Variants in ELOVL4 observed in about 807,000 individuals in gnomAD.
ELOVL4 encodes the protein very long chain fatty acid elongase 4.
In ELOVL4, 18 loss-of-function variants were observed where a neutral mutation model predicts 42.1. That is an observed-to-expected ratio of 0.43 (90% confidence interval 0.30 to 0.63). The LOEUF (loss-of-function observed/expected upper bound fraction) is 0.63. Among genes scored for constraint, ELOVL4 ranks in the 30% least tolerant of loss-of-function variants. The probability of loss-of-function intolerance (pLI) is 0.15; values close to 1 mark genes in which losing one functional copy is unlikely to be tolerated. For synonymous variants in ELOVL4, 117 were observed against 127.0 expected, an observed-to-expected ratio of 0.92 and a Z score of 0.53; for missense variants, 299 against 376.2, an observed-to-expected ratio of 0.79 and a Z score of 1.70.
chr6:79,929,916 A>G (rs1471343824), intron 1 of ELOVL4, among the ~76,000 whole-genome samples: 1 of 152,216 alleles, frequency 6.6e-6, no homozygotes, highest in Non-Finnish European at 1.5e-5. Context: ...GTACCTAAAA[A>G]TATATTTGAT....
chr6:79,919,299 T>C (rs999215791), intron 5 of ELOVL4, 121 bp downstream of exon 5: 13 of 1,149,930 alleles, frequency 1.1e-5, no homozygotes, highest in Non-Finnish European at 1.5e-5. Flanking sequence ...GCGATATAGC[T>C]GGAGGATAAA....
chr6:79,919,319 A>G (rs1451764148), intron 5 of ELOVL4, 101 bp downstream of exon 5: 6 of 1,365,890 alleles, frequency 4.4e-6, no homozygotes, highest in African/African-American at 2.9e-5. Flanking sequence ...AGTTAATTTC[A>G]TAATAGAAAA....
Position 79,926,256 on chromosome 6 carries a change from G to C in ELOVL4, c.226C>G (p.Arg76Gly). 1 of 1,613,864 alleles carries C rather than the reference G, an allele frequency of 6.2e-7. No homozygotes were observed. The highest frequency in any genetic ancestry group is 8.5e-7 in the Non-Finnish European group (1 of 1,179,938). The change falls in exon 2 of 6, where the codon CGT becomes GGT. Residue 76 changes from arginine (R) to glycine (G), a missense_variant. Arg to Gly is a moderately radical substitution (Grantham distance 125). Transcript: ENST00000369816. ...AAATTATAGATAATGAGCACTAGAC[G>C]CATCTGAAAAGGTTCTCGGTCCTTC... ...WMKDREPFQMRLVLIIYNFGM... is the reference protein window; with the variant it reads ...WMKDREPFQMGLVLIIYNFGM...
chr6:79,920,684 T>A (rs1774237871), intron 4 of ELOVL4, among the ~76,000 whole-genome samples: 2 of 152,216 alleles, frequency 1.3e-5, no homozygotes, highest in Non-Finnish European at 2.9e-5. Flanking sequence ...ACTCTGAACA[T>A]CAGAAAGCAA....
At chr6:79,932,720 T>C (rs1339698610) in intron 1 of ELOVL4, among the ~76,000 whole-genome samples, 2 of 152,182 alleles carry the variant, frequency 1.3e-5, no homozygotes, top group Non-Finnish European at 2.9e-5. Context: ...CAAAGTGATT[T>C]TGGCCAGATC....
At position 79,926,197 on chromosome 6, in the gene ELOVL4, T is replaced by C; in HGVS notation, c.285A>G (p.Arg95=). 1 of 1,612,342 alleles carries C rather than the reference T, an allele frequency of 6.2e-7. No homozygotes were observed. The highest frequency in any genetic ancestry group is 8.5e-7 in the Non-Finnish European group (1 of 1,178,624). Residue 95 remains arginine, a synonymous_variant, in exon 2 of 6, where the codon AGA becomes AGG. Transcript: ENST00000369816. ...GMVLLNLFIF[R]ELFMGSYNAG... is the part of the protein sequence containing the mutation. ...TAAAGTGATCTTAAAAACATACCTC[T>C]CTGAAGATAAAGAGGTTAAGCAAAA... is the stretch of plus-strand genomic sequence containing the variant.
At chr6:79,928,157 C>T (rs1222672917) in intron 1 of ELOVL4, among the ~76,000 whole-genome samples, 1 of 151,792 alleles carries the variant, frequency 6.6e-6, no homozygotes, top group East Asian at 1.9e-4. Context: ...AGAGAAGAAA[C>T]ATTTAGACAA....
intron 3 of ELOVL4, among the ~76,000 whole-genome samples, chr6:79,922,083 T>C (rs1408988231): frequency 6.6e-6 from 1 of 152,232 alleles, no homozygotes; most frequent in Admixed American, 6.5e-5. Flanking sequence ...AATACAGAGC[T>C]GGAAGCACAT....
intron 1 of ELOVL4, among the ~76,000 whole-genome samples, chr6:79,927,780 CAT>C (rs35295710): frequency 0.071 from 10,831 of 152,116 alleles, 1,237 homozygotes; most frequent in African/African-American, 0.25. Flanking sequence ...GATTTTATTT[CAT>C]AGTTTTAAAA....
intron 1 of ELOVL4, among the ~76,000 whole-genome samples, chr6:79,930,189 G>A (rs1774420340): frequency 6.6e-6 from 1 of 152,156 alleles, no homozygotes; most frequent in South Asian, 2.1e-4. Flanking sequence ...GGGGAAAAAA[G>A]CAATGCCCTC....
rs532172346 is a variant in ELOVL4 at position 79,947,059 on chromosome 6, C to T, written c.100+121G>A. ...GCCCGCGCCGGCCCCTCCGCTGATC[C>T]GCAGCATCCGAAAGCCGCAGGGCGC... On this transcript the variant is annotated intron_variant, in intron 1 of 5. Coordinates refer to ENST00000369816, the MANE Select transcript of ELOVL4 (RefSeq NM_022726.4). 2.1e-3 allele frequency: 1,706 copies of T among 811,520 alleles called. 23 individuals carry two copies. The highest frequency in any genetic ancestry group is 0.019 in the South Asian group (1,255 of 67,472). 50.3% of individuals were successfully genotyped at this position (811,520 alleles called of 1,614,324 possible).
At chr6:79,930,181 G>C (rs960166634) in intron 1 of ELOVL4, among the ~76,000 whole-genome samples, 4 of 152,054 alleles carry the variant, frequency 2.6e-5, no homozygotes, top group African/African-American at 9.7e-5. Flanking sequence ...TTACTCCAGG[G>C]GAAAAAAGCA....
intron 5 of ELOVL4, among the ~76,000 whole-genome samples, chr6:79,917,367 A>G (rs967192331): frequency 1.3e-5 from 2 of 152,124 alleles, no homozygotes; most frequent in African/African-American, 4.8e-5. Context: ...AGGCTCTTCA[A>G]TTTTGTTTTC....
intron 4 of ELOVL4, among the ~76,000 whole-genome samples, chr6:79,920,249 C>T (rs1201831005): frequency 6.6e-6 from 1 of 152,086 alleles, no homozygotes; most frequent in Non-Finnish European, 1.5e-5. Flanking sequence ...CAATGGAAAG[C>T]AGCAAGGTGA....
chr6:79,934,024 G>A (rs1458369287), intron 1 of ELOVL4, among the ~76,000 whole-genome samples: 1 of 152,200 alleles, frequency 6.6e-6, no homozygotes, highest in Admixed American at 6.5e-5. Flanking sequence ...GCAGATCTGG[G>A]AGAAACTGAT....
At chr6:79,926,763 A>G (rs1456321233) in intron 1 of ELOVL4, among the ~76,000 whole-genome samples, 1 of 152,222 alleles carries the variant, frequency 6.6e-6, no homozygotes, top group Non-Finnish European at 1.5e-5. Context: ...CGTGAAATTT[A>G]TCAGGGCAGC....
intron 5 of ELOVL4, 56 bp from the exon 6 acceptor site, chr6:79,916,939 A>T: frequency 6.2e-7 from 1 of 1,604,796 alleles, no homozygotes; most frequent in Non-Finnish European, 8.5e-7. Flanking sequence ...AACAACTTTT[A>T]ACAACATCGG....
At chr6:79,925,853 T>C (rs928560192) in intron 2 of ELOVL4, among the ~76,000 whole-genome samples, 3 of 152,174 alleles carry the variant, frequency 2.0e-5, no homozygotes, top group African/African-American at 7.2e-5. Context: ...CCAAACACTA[T>C]GCAAAAATTA....
intron 5 of ELOVL4, 29 bp from the exon 6 acceptor site, chr6:79,916,912 A>T: frequency 6.2e-7 from 1 of 1,613,668 alleles, no homozygotes; most frequent in South Asian, 1.1e-5. Context: ...AGCACAAAAC[A>T]TTTAATCTGA....
Sources: gnomAD v4.1 joint callset for allele counts (sites outside exome capture counted in the v4.1 genomes callset) on GRCh38, gnomAD v4.1.1 for gene constraint, MANE v1.5 for transcripts, NCBI Gene and HGNC (gene_info 2026-07-23, HGNC 2026-07-21) for gene names.